GYG2: variants seen among roughly 807,000 people sequenced by gnomAD.
The protein encoded by GYG2 is glycogenin-2.
In GYG2, 29 loss-of-function variants were observed where a neutral mutation model predicts 29.4. The ratio of observed to expected loss-of-function variants is 0.99; its 90% CI spans 0.74 to 1.35. GYG2 has a LOEUF of 1.35. GYG2 is among the 40% of genes most tolerant of loss of function. The pLI is 0.00. For missense variants in GYG2, 370 were observed against 385.7 expected (o/e 0.96, Z 0.34); for synonymous variants, 167 against 172.3 (o/e 0.97, Z 0.24).
chrX:2,855,077 G>A lies in GYG2; in HGVS notation c.409G>A (p.Gly137Arg), dbSNP rs771328102. The change falls in exon 5 of 11, where the codon GGG becomes AGG. Residue 137 changes from glycine to arginine, a missense_variant. Coordinates refer to ENST00000398806, the MANE Select transcript of GYG2 (RefSeq NM_001079855.2). ...DPGWPDCFNS[G>R]VFVFQPSLHT... ...CGGATGGCCGGATTGCTTCAATAGC[G>A]GGGTGTTTGTCTTCCAGCCTTCTCT... 1.4e-5 allele frequency: 17 copies of A among 1,210,723 alleles called. No homozygotes were observed. The highest frequency in any genetic ancestry group is 1.8e-5 in the Non-Finnish European group (16 of 894,443).
chrX:2,844,944 AT>A (rs1603458879), intron 3 of GYG2, among the ~76,000 whole-genome samples: 1 of 104,225 alleles, frequency 9.6e-6, no homozygotes, highest in African/African-American at 3.5e-5. Flanking sequence ...TCAACTATAT[AT>A]TTTTATATAC....
chrX:2,859,825 C>T lies in GYG2; in HGVS notation c.615-18C>T. 1 of 1,088,659 alleles carries T rather than the reference C, an allele frequency of 9.2e-7. No homozygotes were observed. The allele number at this position is 1,088,659 out of a possible 1,213,427, so 89.7% of individuals were successfully genotyped here. A position where few individuals can be genotyped will look rare whatever the true frequency, so the allele number is the denominator to read the frequency against. On this transcript the variant is annotated intron_variant, in intron 6 of 10. Transcript: ENST00000398806. ...CACATCTGAGTGGAAATCAGAATCC[C>T]TTCTGTTTCCTTCTCAGATTCGGTT... is the stretch of plus-strand genomic sequence containing the variant.
intron 3 of GYG2, among the ~76,000 whole-genome samples, chrX:2,845,921 T>C (rs186215142): frequency 6.3e-5 from 6 of 95,874 alleles, no homozygotes; most frequent in African/African-American, 2.3e-4. Context: ...ATTTCAAATA[T>C]ATATATTTCA....
chrX:2,844,610 G>GTA lies in GYG2; in HGVS notation c.149+1260_149+1261dup, dbSNP rs1238765063. ...TATATGTGTATACGCACACGCATGC[G>GTA]TATATGTGTATACGCACACGCATGC... On this transcript the variant is annotated intron_variant, in intron 3 of 10. Coordinates refer to ENST00000398806, the MANE Select transcript of GYG2 (RefSeq NM_001079855.2). Among the ~76,000 whole-genome samples the GTA allele has an allele frequency of 6.3e-5, 2 of 31,990 alleles. 1 individual carries two copies. Among genetic ancestry groups the GTA allele is most frequent in the Non-Finnish European group, 1.0e-4 (2 of 19,313 alleles). The allele number at this position is 31,990 out of a possible 115,157, so 27.8% of individuals were successfully genotyped here.
intron 3 of GYG2, among the ~76,000 whole-genome samples, chrX:2,851,209 G>C (rs984428379): frequency 1.8e-5 from 2 of 111,426 alleles, no homozygotes; most frequent in Non-Finnish European, 3.8e-5. Context: ...TCTAAGTAAT[G>C]GTCAATTGTT....
In GYG2 at chrX:2,854,986, T is replaced by G. The variant is rs769937678; in HGVS notation, c.325-7T>G. ...TGCGGCGGGTTCTGCGTGTTTTGCTTCACCAGGTGCTGTCCAATGTCGATG... is the reference window on the plus strand; with the variant it reads ...TGCGGCGGGTTCTGCGTGTTTTGCTGCACCAGGTGCTGTCCAATGTCGATG... On this transcript the variant is annotated splice_polypyrimidine_tract_variant and splice_region_variant and intron_variant, in intron 4 of 10. Transcript: ENST00000398806. 3.4e-5 allele frequency: 41 copies of G among 1,204,224 alleles called. No homozygotes were observed. Among genetic ancestry groups the G allele is most frequent in the East Asian group, 3.3e-4 (11 of 33,647 alleles).
In GYG2 at chrX:2,855,077, G is replaced by T; in HGVS notation, c.409G>T (p.Gly137Trp). 4 of 1,210,723 alleles carry T rather than the reference G, an allele frequency of 3.3e-6. No homozygotes were observed. Among genetic ancestry groups the T allele is most frequent in the Non-Finnish European group, 4.5e-6 (4 of 894,443 alleles). The change falls in exon 5 of 11, where the codon GGG (glycine) becomes TGG (tryptophan). Residue 137 changes from glycine (G) to tryptophan (W), a missense_variant. Gly to Trp is a radical substitution (Grantham distance 184). Transcript: ENST00000398806. ...DPGWPDCFNSGVFVFQPSLHT... is the reference protein window; with the variant it reads ...DPGWPDCFNSWVFVFQPSLHT... ...CGGATGGCCGGATTGCTTCAATAGCGGGGTGTTTGTCTTCCAGCCTTCTCT... is the reference window on the plus strand; with the variant it reads ...CGGATGGCCGGATTGCTTCAATAGCTGGGTGTTTGTCTTCCAGCCTTCTCT...
intron 3 of GYG2, among the ~76,000 whole-genome samples, chrX:2,846,833 G>A (rs1184345547): frequency 8.9e-6 from 1 of 112,064 alleles, no homozygotes; most frequent in Non-Finnish European, 1.9e-5. Flanking sequence ...TCATTTGGAG[G>A]CAGTTTTAAA....
chrX:2,880,678 C>G lies in GYG2; in HGVS notation c.1252-374C>G, dbSNP rs1054347581. ...ATCCCAGCTCACTGGGAGGCCAAGG[C>G]AAGAGGATTGCTTGAGCCCGGGAAT... On this transcript the variant is annotated intron_variant, in intron 10 of 10. Coordinates refer to ENST00000398806, the MANE Select transcript of GYG2 (RefSeq NM_001079855.2). 3.9e-4 allele frequency among the ~76,000 whole-genome samples: 44 copies of G among 111,555 alleles called. No individual in the cohort carries two copies. The Admixed American group carries it at 4.0e-3, about 10-fold the overall frequency.
intron 3 of GYG2, among the ~76,000 whole-genome samples, chrX:2,851,404 C>T (rs1295096409): frequency 2.7e-5 from 3 of 111,309 alleles, no homozygotes; most frequent in Non-Finnish European, 5.7e-5. Flanking sequence ...CCACCGCACC[C>T]GGCTAGTTTT....
intron 2 of GYG2, 155 bp from the exon 3 acceptor site, chrX:2,843,058 C>T (rs1158349226): frequency 1.9e-6 from 1 of 529,122 alleles, no homozygotes; most frequent in Non-Finnish European, 3.4e-6. Flanking sequence ...AGCAATTCAC[C>T]CACCTCAGCC....
At chrX:2,880,460 G>A (rs974419318) in intron 10 of GYG2, among the ~76,000 whole-genome samples, 2 of 111,582 alleles carry the variant, frequency 1.8e-5, no homozygotes, top group Non-Finnish European at 3.8e-5. Flanking sequence ...ATGTGTGCAT[G>A]TGTGTGTTTA....
chrX:2,854,007 A>G lies in GYG2; in HGVS notation c.177A>G (p.Glu59=). The change falls in exon 4 of 11, where the codon GAA becomes GAG. Residue 59 remains glutamate (E), a synonymous_variant. Coordinates refer to ENST00000398806, the MANE Select transcript of GYG2 (RefSeq NM_001079855.2). ...TCATCCTCTCGAAGGTGTTCGATGAAGTCATTGAAGTGAATCTAATCGATA... is the reference window on the plus strand; with the variant it reads ...TCATCCTCTCGAAGGTGTTCGATGAGGTCATTGAAGTGAATCTAATCGATA... The part of the protein sequence containing the change: ...LRVILSKVFD[E]VIEVNLIDSA... The G allele has an allele frequency of 8.3e-7, 1 of 1,201,178 alleles. No homozygotes were observed. Among genetic ancestry groups the G allele is most frequent in the East Asian group, 3.0e-5 (1 of 33,777 alleles).
Position 2,859,958 on chromosome X carries a change from C to A in GYG2, c.730C>A (p.His244Asn). Reference sequence around the variant, plus strand: ...GCAAGGCTCAGCGTCCAGCAGCCAGCACCAGGCGGCATTCCTTCATCTCTG... The same window carrying A: ...GCAAGGCTCAGCGTCCAGCAGCCAGAACCAGGCGGCATTCCTTCATCTCTG... ...LEQGSASSSQ[H>N]QAAFLHLWWT... The change falls in exon 7 of 11, where the codon CAC (histidine) becomes AAC (asparagine). Residue 244 changes from histidine to asparagine, a missense_variant. Physicochemically the swap from His to Asn is moderately conservative, Grantham distance 68. Transcript: ENST00000398806. 1 of 1,199,864 alleles carries A rather than the reference C, an allele frequency of 8.3e-7. No individual in the cohort carries two copies. Among genetic ancestry groups the A allele is most frequent in the South Asian group, 1.8e-5 (1 of 56,021 alleles).
At chrX:2,874,832 C>G (rs986957780) in intron 8 of GYG2, among the ~76,000 whole-genome samples, 4 of 112,033 alleles carry the variant, frequency 3.6e-5, no homozygotes, top group Non-Finnish European at 7.5e-5. Flanking sequence ...GCCTGCGGGT[C>G]TGCATTTGAA....
At chrX:2,879,764 AACGG>A (rs2088677495) in intron 10 of GYG2, among the ~76,000 whole-genome samples, 2 of 112,099 alleles carry the variant, frequency 1.8e-5, no homozygotes, top group Admixed American at 1.9e-4. Context: ...TAGAGTATAG[AACGG>A]ATGGATGGAT....
chrX:2,855,292 A>G (rs965243139), intron 5 of GYG2, 137 bp downstream of exon 5: 9 of 535,691 alleles, frequency 1.7e-5, no homozygotes, highest in African/African-American at 1.4e-4. Context: ...ATGTGTTGTT[A>G]AGTGATTTTG....
intron 8 of GYG2, among the ~76,000 whole-genome samples, chrX:2,866,969 G>GA (rs774864781): frequency 1.1e-3 from 127 of 110,673 alleles, no homozygotes; most frequent in African/African-American, 2.3e-3. Context: ...AGGAGGGTGG[G>GA]AAAAAAATCT....
chrX:2,830,801 T>C (rs917202591), intron 2 of GYG2, among the ~76,000 whole-genome samples: 2 of 112,061 alleles, frequency 1.8e-5, no homozygotes, highest in African/African-American at 6.5e-5. Context: ...CACCTGCCTG[T>C]AGTCCCAGCT....
Sources: gnomAD v4.1 joint callset for allele counts (sites outside exome capture counted in the v4.1 genomes callset) on GRCh38, gnomAD v4.1.1 for gene constraint, MANE v1.5 for transcripts, NCBI Gene and HGNC (gene_info 2026-07-23, HGNC 2026-07-21) for gene names.